GBE1: variants seen among roughly 807,000 people sequenced by gnomAD.
GBE1 encodes the protein 1,4-alpha-glucan-branching enzyme.
GBE1 carries 70 observed loss-of-function variants against 88.8 expected under a neutral mutation model. That is an observed-to-expected ratio of 0.79 (90% CI 0.65 to 0.96). The LOEUF is 0.96. Ranked by LOEUF, GBE1 falls within the 40% of genes least tolerant of loss-of-function variation. The pLI is 0.00. For missense variants in GBE1, 872 were observed against 871.0 expected, an observed-to-expected ratio of 1.00 and a Z score of -0.01; for synonymous variants, 284 against 300.1, an observed-to-expected ratio of 0.95 and a Z score of 0.56.
intron 7 of GBE1, among the ~76,000 whole-genome samples, chr3:81,629,415 A>G (rs2107031179): frequency 6.6e-6 from 1 of 151,832 alleles, no homozygotes; most frequent in South Asian, 2.1e-4. Context: ...CATTTTCTTA[A>G]TCCAGTCTAT....
At chr3:81,554,586 A>T (rs1703320835) in intron 12 of GBE1, among the ~76,000 whole-genome samples, 1 of 152,186 alleles carries the variant, frequency 6.6e-6, no homozygotes, top group African/African-American at 2.4e-5. Context: ...AGGTTAACAA[A>T]CTTCCCTAGT....
intron 8 of GBE1, among the ~76,000 whole-genome samples, chr3:81,592,132 CAT>C (rs1193720909): frequency 6.6e-6 from 1 of 152,074 alleles, no homozygotes; most frequent in Non-Finnish European, 1.5e-5. Context: ...ATAGTTACCA[CAT>C]GTGTATGTGT....
Position 81,628,179 on chromosome 3 carries a change from G to A in GBE1, c.992+14602C>T, listed in dbSNP as rs148853396. Among the ~76,000 whole-genome samples, 6 of 152,000 alleles carry A rather than the reference G, an allele frequency of 3.9e-5. No individual in the cohort carries two copies. In the East Asian group the frequency reaches 5.8e-4, roughly 15 times the overall value. ...TATATGTGTCTTCAACTATCAATAC[G>A]TCACCCTGGGTTGCATTAGCATACA... is the stretch of plus-strand genomic sequence containing the variant. On this transcript the variant is annotated intron_variant, in intron 7 of 15. Transcript: ENST00000429644.
chr3:81,597,501 A>C (rs1703975557), intron 7 of GBE1, among the ~76,000 whole-genome samples: 1 of 146,534 alleles, frequency 6.8e-6, no homozygotes, highest in African/African-American at 2.5e-5. Context: ...ATATATATAT[A>C]TATATCTCAT....
intron 7 of GBE1, among the ~76,000 whole-genome samples, chr3:81,601,900 T>C (rs750670274): frequency 3.3e-5 from 5 of 152,218 alleles, no homozygotes; most frequent in Admixed American, 6.6e-5. Flanking sequence ...CCAGGCACAA[T>C]GCCAGGTGCT....
intron 2 of GBE1, among the ~76,000 whole-genome samples, chr3:81,684,537 T>C (rs527374059): frequency 1.4e-3 from 215 of 152,146 alleles, no homozygotes; most frequent in African/African-American, 5.0e-3. Flanking sequence ...TGGGCACTAA[T>C]CCCATTCATG....
At chr3:81,598,189 T>C (rs185231269) in intron 7 of GBE1, among the ~76,000 whole-genome samples, 1 of 152,078 alleles carries the variant, frequency 6.6e-6, no homozygotes, top group East Asian at 1.9e-4. Flanking sequence ...TAATATTGTA[T>C]ATTAATAAAT....
chr3:81,712,689 C>A (rs1341293395), intron 1 of GBE1, among the ~76,000 whole-genome samples: 1 of 151,996 alleles, frequency 6.6e-6, no homozygotes, highest in Non-Finnish European at 1.5e-5. Context: ...AGGAAATATA[C>A]CTAATGTAAA....
chr3:81,741,261 T>C (rs984094765), intron 1 of GBE1, among the ~76,000 whole-genome samples: 1 of 152,216 alleles, frequency 6.6e-6, no homozygotes, highest in Non-Finnish European at 1.5e-5. Context: ...TAATGTATAA[T>C]AATCAGTAAG....
At chr3:81,612,721 GTTC>G (rs1384683749) in intron 7 of GBE1, 2 of 480,974 alleles carry the variant, frequency 4.2e-6, no homozygotes, top group Non-Finnish European at 8.1e-6. Flanking sequence ...GCTTCTTACT[GTTC>G]TTCTTGTCCC....
intron 3 of GBE1, among the ~76,000 whole-genome samples, chr3:81,669,471 T>A (rs1052975258): frequency 6.6e-6 from 1 of 152,178 alleles, no homozygotes; most frequent in African/African-American, 2.4e-5. Flanking sequence ...ACAGTTTCTA[T>A]AAAATTAGCC....
In GBE1 at chr3:81,618,459, TC is replaced by T. The variant is rs143870372; in HGVS notation, c.992+24321del. Among the ~76,000 whole-genome samples, 1,054 of 152,194 alleles carry T rather than the reference TC, an allele frequency of 6.9e-3. 8 individuals carry two copies. The highest frequency in any genetic ancestry group is 0.024 in the African/African-American group (1,011 of 41,544). On this transcript the variant is annotated intron_variant, in intron 7 of 15. Transcript: ENST00000429644. ...GTAGAGAAGTGATCCCTAGTTGACC[TC>T]AGAAAACTCAACTCCACACTCCATG...
At position 81,627,766 on chromosome 3, in the gene GBE1, T is replaced by A. The variant is rs528567728; in HGVS notation, c.992+15015A>T. 3.7e-3 allele frequency among the ~76,000 whole-genome samples: 246 copies of A among 65,958 alleles called. 1 individual carries two copies. Among genetic ancestry groups the A allele is most frequent in the Non-Finnish European group, 4.6e-3 (138 of 30,048 alleles). 43.3% of individuals were successfully genotyped at this position (65,958 alleles called of 152,430 possible). Reference sequence around the variant, plus strand: ...TTTTACATATATATATATATATATATAAAAAACATATATATTTGTTGTTGT... The same window carrying A: ...TTTTACATATATATATATATATATAAAAAAAACATATATATTTGTTGTTGT... On this transcript the variant is annotated intron_variant, in intron 7 of 15. Coordinates refer to ENST00000429644, the MANE Select transcript of GBE1 (RefSeq NM_000158.4).
intron 14 of GBE1, among the ~76,000 whole-genome samples, chr3:81,521,016 T>G (rs1702866729): frequency 6.6e-6 from 1 of 151,490 alleles, no homozygotes; most frequent in Non-Finnish European, 1.5e-5. Flanking sequence ...AAGAGATAGT[T>G]AAAAGCATCC....
At chr3:81,548,601 G>A (rs765864383) in intron 12 of GBE1, among the ~76,000 whole-genome samples, 3 of 151,190 alleles carry the variant, frequency 2.0e-5, no homozygotes, top group Non-Finnish European at 4.4e-5. Context: ...AACTGTGGCT[G>A]CCCTAAAAGA....
Position 81,541,991 on chromosome 3 carries a change from C to T in GBE1, c.1619-4896G>A, listed in dbSNP as rs182769511. Among the ~76,000 whole-genome samples, 411 of 152,058 alleles carry T rather than the reference C, an allele frequency of 2.7e-3. 1 individual carries two copies. Among genetic ancestry groups the T allele is most frequent in the South Asian group, 5.6e-3 (27 of 4,822 alleles). ...TATTTTTAAAAATCACAATTACACACACAGATGTTACAAAATAATCTGTTT... is the reference window on the plus strand; with the variant it reads ...TATTTTTAAAAATCACAATTACACATACAGATGTTACAAAATAATCTGTTT... On this transcript the variant is annotated intron_variant, in intron 12 of 15. Transcript: ENST00000429644.
chr3:81,668,259 T>C (rs189245488), intron 3 of GBE1, among the ~76,000 whole-genome samples: 25 of 152,222 alleles, frequency 1.6e-4, no homozygotes, highest in Non-Finnish European at 3.2e-4. Context: ...GGTCAGTAGG[T>C]ACAGCAAACC....
At chr3:81,580,337 T>C (rs1422294397) in intron 11 of GBE1, among the ~76,000 whole-genome samples, 1 of 151,996 alleles carries the variant, frequency 6.6e-6, no homozygotes, top group Non-Finnish European at 1.5e-5. Context: ...AAAATTCTGT[T>C]CCTAAAACAT....
chr3:81,587,341 C>T lies in GBE1; in HGVS notation c.1237-1151G>A, dbSNP rs184368034. Among the ~76,000 whole-genome samples the T allele has an allele frequency of 3.6e-3, 546 of 152,172 alleles. 6 individuals carry two copies. The highest frequency in any genetic ancestry group is 0.012 in the African/African-American group (518 of 41,500). On this transcript the variant is annotated intron_variant, in intron 9 of 15. Coordinates refer to ENST00000429644, the MANE Select transcript of GBE1 (RefSeq NM_000158.4). ...TCCACAATATCTTTCAAATAAGTTA[C>T]TTTCCTTTGCTCCATTACCACAACC...
Sources: gnomAD v4.1 joint callset for allele counts (sites outside exome capture counted in the v4.1 genomes callset) on GRCh38, gnomAD v4.1.1 for gene constraint, MANE v1.5 for transcripts, NCBI Gene and HGNC (gene_info 2026-07-23, HGNC 2026-07-21) for gene names.